SLCO1A2: variants seen among roughly 807,000 people sequenced by gnomAD.
The protein encoded by SLCO1A2 is solute carrier organic anion transporter family member 1A2, also known as OATP-1.
Under a neutral mutation model 69.0 loss-of-function variants are expected in SLCO1A2, and 67 were observed. The observed-to-expected ratio is 0.97, with a 90% CI of 0.80 to 1.19. The LOEUF (loss-of-function observed/expected upper bound fraction) is 1.19. SLCO1A2 is among the 50% of genes most tolerant of loss of function. SLCO1A2 has a pLI of 0.00. For missense variants in SLCO1A2, 787 were observed against 793.7 expected, an observed-to-expected ratio of 0.99 and a Z score of 0.10; for synonymous variants, 260 against 265.9, an observed-to-expected ratio of 0.98 and a Z score of 0.22.
chr12:21,400,327 A>T (rs937361109), upstream of SLCO1A2, among the ~76,000 whole-genome samples: 1 of 152,142 alleles, frequency 6.6e-6, no homozygotes, highest in African/African-American at 2.4e-5. Context: ...CCACAATGAG[A>T]TACCATCTCA....
At chr12:21,347,072 T>A (rs1421211781) in intron 2 of SLCO1A2, among the ~76,000 whole-genome samples, 1 of 152,062 alleles carries the variant, frequency 6.6e-6, no homozygotes, top group Non-Finnish European at 1.5e-5. Context: ...ATTCTTTTGA[T>A]AAGTTGAATT....
intron 1 of SLCO1A2, chr12:21,417,856 T>C (rs759632732): frequency 6.6e-6 from 1 of 152,042 alleles, no homozygotes; most frequent in Admixed American, 6.6e-5. Flanking sequence ...GAGAGTCAAA[T>C]AGAATTGTAG....
intron 6 of SLCO1A2, among the ~76,000 whole-genome samples, chr12:21,301,670 C>G (rs1395038346): frequency 6.6e-6 from 1 of 152,136 alleles, no homozygotes; most frequent in Non-Finnish European, 1.5e-5. Flanking sequence ...TCTCATGGCA[C>G]ATTCCTCAAA....
chr12:21,378,315 C>A (rs1940357877), intron 1 of SLCO1A2: 1 of 1,614,054 alleles, frequency 6.2e-7, no homozygotes, highest in South Asian at 1.1e-5. Flanking sequence ...TTCATTCCAG[C>A]AACAACTTTG....
chr12:21,274,565 T>G lies in SLCO1A2; in HGVS notation c.1697A>C (p.Tyr566Ser), dbSNP rs1295850967. Residue 566 changes from tyrosine (Y) to serine (S), a missense_variant, in exon 14 of 15, where the codon TAT becomes TCT. By Grantham distance (144) the Tyr-to-Ser change is moderately radical. Coordinates refer to ENST00000683939, the MANE Select transcript of SLCO1A2 (RefSeq NM_001386879.1). ...RVFAGIPAPI[Y>S]FGALMDSTCL... ...TGTGGAATCCATTAAAGCGCCAAAATATATAGGTGCAGGAATGCCAGCTAC... is the reference window on the plus strand; with the variant it reads ...TGTGGAATCCATTAAAGCGCCAAAAGATATAGGTGCAGGAATGCCAGCTAC... 6.2e-7 allele frequency: 1 copy of G among 1,612,358 alleles called. No homozygotes were observed. The highest frequency in any genetic ancestry group is 8.5e-7 in the Non-Finnish European group (1 of 1,178,544).
In SLCO1A2 at chr12:21,292,334, C is replaced by G. The variant is rs763513618; in HGVS notation, c.1440G>C (p.Val480=). 14 of 1,601,292 alleles carry G rather than the reference C, an allele frequency of 8.7e-6. No individual in the cohort carries two copies. In the African/African-American group the frequency reaches 1.6e-4, roughly 19 times the overall value. The change falls in exon 12 of 15, where the codon GTG becomes GTC. Residue 480 remains valine (V), a splice_region_variant and synonymous_variant. Transcript: ENST00000683939. Reference sequence around the variant, plus strand: ...TTTGAATACAGCTGCAATTTTGGAACACCTGCCAAAAAATAACATATTATA... The same window carrying G: ...TTTGAATACAGCTGCAATTTTGGAAGACCTGCCAAAAAATAACATATTATA... ...ETSIGTGINM[V]FQNCSCIQTS... is the part of the protein sequence containing the mutation.
At chr12:21,339,618 TAA>T (rs959429935), upstream of SLCO1A2, among the ~76,000 whole-genome samples, 2 of 151,666 alleles carry the variant, frequency 1.3e-5, no homozygotes, top group African/African-American at 4.8e-5. Context: ...TAAGAAGAGC[TAA>T]AAAAAATTGT....
At chr12:21,314,191 C>A (rs1458581247) in intron 4 of SLCO1A2, among the ~76,000 whole-genome samples, 1 of 152,104 alleles carries the variant, frequency 6.6e-6, no homozygotes, top group African/African-American at 2.4e-5. Flanking sequence ...CTTCAGACTG[C>A]TCTGTCTCTT....
intron 1 of SLCO1A2, among the ~76,000 whole-genome samples, chr12:21,390,544 AT>A (rs1037032274): frequency 6.6e-6 from 1 of 151,988 alleles, no homozygotes; most frequent in Non-Finnish European, 1.5e-5. Flanking sequence ...ACATTTTCCT[AT>A]TTTTTTTCCT....
chr12:21,330,612 G>A (rs1952556976), intron 2 of SLCO1A2, among the ~76,000 whole-genome samples: 1 of 152,096 alleles, frequency 6.6e-6, no homozygotes, highest in African/African-American at 2.4e-5. Flanking sequence ...TGAAGCAGTA[G>A]GGCACAGGTT....
intron 2 of SLCO1A2, among the ~76,000 whole-genome samples, chr12:21,369,578 T>G (rs73241230): frequency 0.027 from 4,117 of 152,278 alleles, 205 homozygotes; most frequent in African/African-American, 0.094. Context: ...TGAAGTGAGA[T>G]ATCACATATT....
chr12:21,354,761 C>A (rs1355012377), intron 2 of SLCO1A2, among the ~76,000 whole-genome samples: 3 of 152,134 alleles, frequency 2.0e-5, no homozygotes, highest in Admixed American at 6.6e-5. Context: ...AACAACCTTT[C>A]TTTCTTTGAA....
At chr12:21,296,021 A>G (rs1947658290) in intron 9 of SLCO1A2, among the ~76,000 whole-genome samples, 1 of 152,204 alleles carries the variant, frequency 6.6e-6, no homozygotes, top group South Asian at 2.1e-4. Flanking sequence ...TTATATTATC[A>G]TTCATTTAAC....
At chr12:21,311,971 G>A (rs1309802311) in intron 4 of SLCO1A2, among the ~76,000 whole-genome samples, 1 of 151,384 alleles carries the variant, frequency 6.6e-6, no homozygotes, top group African/African-American at 2.4e-5. Context: ...AGGAGAAGAA[G>A]AAGGAGGAGG....
chr12:21,325,394 T>C (rs955775119), intron 2 of SLCO1A2, among the ~76,000 whole-genome samples: 1 of 152,238 alleles, frequency 6.6e-6, no homozygotes, highest in Non-Finnish European at 1.5e-5. Flanking sequence ...CATTTTTATG[T>C]TCTGGTTTGA....
intron 12 of SLCO1A2, among the ~76,000 whole-genome samples, chr12:21,289,317 A>G (rs1459007698): frequency 6.6e-6 from 1 of 151,920 alleles, no homozygotes; most frequent in Non-Finnish European, 1.5e-5. Context: ...ATCCTGAGTG[A>G]TAGGAATGTA....
rs376095939 is a variant in SLCO1A2 at position 21,400,923 on chromosome 12, T to C, written c.-312+16959A>G. Among the ~76,000 whole-genome samples the C allele has an allele frequency of 2.0e-5, 3 of 148,446 alleles. No homozygotes were observed. In the East Asian group the frequency reaches 6.1e-4, roughly 30 times the overall value. ...GGATAGCATCGGGAGATATACCTAA[T>C]GCTAGATGACAAGTTAGTGGGTGCA... On this transcript the variant is annotated intron_variant, in intron 1 of 4. Transcript: ENST00000413682.
chr12:21,394,226 C>T (rs1941304915), intron 1 of SLCO1A2, among the ~76,000 whole-genome samples: 1 of 152,250 alleles, frequency 6.6e-6, no homozygotes, highest in Admixed American at 6.5e-5. Context: ...GTCAGCTTGC[C>T]TTAGTGGCTC....
At chr12:21,379,280 G>A (rs548618594) in intron 1 of SLCO1A2, 1 of 152,258 alleles carries the variant, frequency 6.6e-6, no homozygotes, top group African/African-American at 2.4e-5. Flanking sequence ...GGTACTAAGA[G>A]GCTATTTAAA....
Sources: gnomAD v4.1 joint callset for allele counts (sites outside exome capture counted in the v4.1 genomes callset) on GRCh38, gnomAD v4.1.1 for gene constraint, MANE v1.5 for transcripts, NCBI Gene and HGNC (gene_info 2026-07-23, HGNC 2026-07-21) for gene names.